Variants in SLC39A11 observed in about 807,000 individuals in gnomAD.
SLC39A11 encodes the protein zinc transporter ZIP11.
SLC39A11 carries 33 observed loss-of-function variants against 36.1 expected under a neutral mutation model. That is an observed-to-expected ratio of 0.91 (90% confidence interval 0.69 to 1.22). The LOEUF is 1.22. Ranked by LOEUF, SLC39A11 falls within the 50% of genes most tolerant of loss-of-function variation. SLC39A11 has a pLI of 0.00. For synonymous variants in SLC39A11, 166 were observed against 170.3 expected (o/e 0.97, Z 0.20); for missense variants, 432 against 430.3 (o/e 1.00, Z -0.03).
intron 7 of SLC39A11, among the ~76,000 whole-genome samples, chr17:72,657,285 G>A (rs554360120): frequency 1.2e-4 from 19 of 152,226 alleles, no homozygotes; most frequent in African/African-American, 3.9e-4. Context: ...GCTTGAACCC[G>A]GGAGGCAGAG....
intron 5 of SLC39A11, among the ~76,000 whole-genome samples, chr17:72,890,633 T>C (rs75921349): frequency 2.0e-5 from 3 of 152,174 alleles, no homozygotes; most frequent in African/African-American, 7.2e-5. Context: ...CAAGTGGCTG[T>C]TGGACAGATA....
chr17:72,668,202 TAA>T (rs1055691967), intron 7 of SLC39A11, among the ~76,000 whole-genome samples: 3 of 133,278 alleles, frequency 2.3e-5, no homozygotes, highest in African/African-American at 7.9e-5. Context: ...AAGAATCTTT[TAA>T]AAAAAAAAAA....
intron 5 of SLC39A11, among the ~76,000 whole-genome samples, chr17:72,853,342 T>C (rs2079466673): frequency 6.6e-6 from 1 of 152,054 alleles, no homozygotes; most frequent in Non-Finnish European, 1.5e-5. Context: ...GGGGATTTTA[T>C]AATTTAAGAG....
At chr17:72,809,055 G>T (rs1419961974) in intron 6 of SLC39A11, among the ~76,000 whole-genome samples, 1 of 152,222 alleles carries the variant, frequency 6.6e-6, no homozygotes, top group Non-Finnish European at 1.5e-5. Flanking sequence ...TGGGCAAGAA[G>T]AACATGTTGG....
chr17:72,789,719 G>A (rs899203673), intron 6 of SLC39A11, among the ~76,000 whole-genome samples: 2 of 152,290 alleles, frequency 1.3e-5, no homozygotes, highest in East Asian at 3.9e-4. Flanking sequence ...TCATTATGAG[G>A]GTTCTTTATT....
At chr17:72,813,279 T>C (rs956199311) in intron 6 of SLC39A11, among the ~76,000 whole-genome samples, 1 of 152,246 alleles carries the variant, frequency 6.6e-6, no homozygotes, top group African/African-American at 2.4e-5. Flanking sequence ...AACTCTTTTC[T>C]GGTCCCCATT....
intron 5 of SLC39A11, among the ~76,000 whole-genome samples, chr17:72,852,095 G>T (rs900016512): frequency 6.6e-6 from 1 of 150,806 alleles, no homozygotes; most frequent in Non-Finnish European, 1.5e-5. Context: ...CAGCTATTCG[G>T]GAGGCTGAGT....
chr17:72,796,359 T>C (rs1194077596), intron 6 of SLC39A11, among the ~76,000 whole-genome samples: 2 of 152,128 alleles, frequency 1.3e-5, no homozygotes, highest in East Asian at 1.9e-4. Context: ...AGGTTTTTCC[T>C]GGCTTCTGCT....
chr17:73,016,842 C>G (rs1226755753), intron 4 of SLC39A11, among the ~76,000 whole-genome samples: 2 of 152,196 alleles, frequency 1.3e-5, no homozygotes, highest in Non-Finnish European at 2.9e-5. Flanking sequence ...TCCTGGCTCT[C>G]TGTGTGTAGG....
intron 7 of SLC39A11, among the ~76,000 whole-genome samples, chr17:72,657,861 C>T (rs1331615863): frequency 1.3e-5 from 2 of 152,168 alleles, no homozygotes; most frequent in Admixed American, 1.3e-4. Flanking sequence ...AAATTTTGAC[C>T]GCTTTTAGCC....
chr17:73,046,326 T>C (rs2059289523), intron 3 of SLC39A11, among the ~76,000 whole-genome samples: 2 of 152,196 alleles, frequency 1.3e-5, no homozygotes, highest in Non-Finnish European at 2.9e-5. Flanking sequence ...AAGTGTATTC[T>C]GTCCTAATTC....
At chr17:72,692,023 T>G (rs1056485010) in intron 7 of SLC39A11, among the ~76,000 whole-genome samples, 13 of 151,690 alleles carry the variant, frequency 8.6e-5, no homozygotes, top group African/African-American at 2.9e-4. Flanking sequence ...GATTTTTTTT[T>G]TTTTTGAGGC....
At chr17:72,880,133 C>A (rs1324153349) in intron 5 of SLC39A11, among the ~76,000 whole-genome samples, 1 of 152,210 alleles carries the variant, frequency 6.6e-6, no homozygotes, top group Admixed American at 6.5e-5. Flanking sequence ...GGTTTAAGAG[C>A]ATCCTAAGAG....
chr17:72,717,952 C>A (rs1237863277), intron 7 of SLC39A11, among the ~76,000 whole-genome samples: 1 of 152,202 alleles, frequency 6.6e-6, no homozygotes, highest in Non-Finnish European at 1.5e-5. Context: ...CTTCCTGCCC[C>A]CGGTATCTCA....
chr17:72,713,356 G>A lies in SLC39A11; in HGVS notation c.671+23294C>T, dbSNP rs1189666618. On this transcript the variant is annotated intron_variant, in intron 7 of 9. Coordinates refer to ENST00000255559, the MANE Select transcript of SLC39A11 (RefSeq NM_139177.4). ...AGGCCCTTGGTCACCTTGATAGTGG[G>A]CCCGCATCTTACAAAGCAGGAGCTC... Among the ~76,000 whole-genome samples, 5 of 152,168 alleles carry A rather than the reference G, an allele frequency of 3.3e-5. No individual in the cohort carries two copies. The East Asian group carries it at 9.6e-4, about 29-fold the overall frequency.
At chr17:72,777,655 G>A (rs2076178739) in intron 6 of SLC39A11, among the ~76,000 whole-genome samples, 1 of 152,102 alleles carries the variant, frequency 6.6e-6, no homozygotes, top group African/African-American at 2.4e-5. Flanking sequence ...CTTCTCTAGA[G>A]CCTTCAGGAG....
At chr17:72,984,452 A>G (rs9890173) in intron 4 of SLC39A11, among the ~76,000 whole-genome samples, 78,559 of 151,780 alleles carry the variant, frequency 0.52, 21,270 homozygotes, top group Middle Eastern at 0.69. Context: ...GTGTTGTGGG[A>G]TACATGTAAA....
chr17:72,804,770 C>T (rs1288086195), intron 6 of SLC39A11, among the ~76,000 whole-genome samples: 1 of 152,194 alleles, frequency 6.6e-6, no homozygotes, highest in Non-Finnish European at 1.5e-5. Flanking sequence ...CACCTGTAAT[C>T]CCAGTGCTCT....
At chr17:72,831,712 C>A (rs969630239) in intron 6 of SLC39A11, among the ~76,000 whole-genome samples, 1 of 152,194 alleles carries the variant, frequency 6.6e-6, no homozygotes. Context: ...TTTTCAGTAG[C>A]CCATCAACAA....
Sources: allele counts gnomAD v4.1 joint callset (sites outside exome capture counted in the v4.1 genomes callset), GRCh38; gene constraint gnomAD v4.1.1; transcripts MANE v1.5; gene names NCBI Gene and HGNC (gene_info 2026-07-23, HGNC 2026-07-21).